Variants in EPN2 observed in about 807,000 individuals in gnomAD.
The protein encoded by EPN2 is epsin-2.
EPN2 carries 34 observed loss-of-function variants against 61.7 expected under a neutral mutation model. The observed-to-expected ratio is 0.55, with a 90% CI of 0.42 to 0.73. The LOEUF (loss-of-function observed/expected upper bound fraction) is 0.73. Among genes scored for constraint, EPN2 ranks in the 30% least tolerant of loss-of-function variants. EPN2 has a pLI of 0.00. For synonymous variants in EPN2, 349 were observed against 353.6 expected (o/e 0.99, Z 0.15); for missense variants, 714 against 839.2 (o/e 0.85, Z 1.84).
At chr17:19,332,241 C>T (rs1308715344) in intron 10 of EPN2, among the ~76,000 whole-genome samples, 173 bp downstream of exon 10, 5 of 151,954 alleles carry the variant, frequency 3.3e-5, no homozygotes, top group African/African-American at 1.2e-4. Flanking sequence ...GTGTGGAAGC[C>T]GTTGTCAGTT....
At chr17:19,253,220 C>G (rs1485884730) in intron 1 of EPN2, among the ~76,000 whole-genome samples, 1 of 152,126 alleles carries the variant, frequency 6.6e-6, no homozygotes, top group Non-Finnish European at 1.5e-5. Flanking sequence ...TGCAGTTATA[C>G]AATATCTGGC....
In EPN2 at chr17:19,239,162, A is replaced by AT. The variant is rs1467416581; in HGVS notation, c.-294+1638dup. The stretch of plus-strand genomic sequence containing the variant: ...AAACTTTTAAATTTTTTATTTATTT[A>AT]TTTTTTTGAGACGGAGTCTCTGTCA... On this transcript the variant is annotated intron_variant, in intron 1 of 10. Coordinates refer to ENST00000314728, the MANE Select transcript of EPN2 (RefSeq NM_014964.5). Among the ~76,000 whole-genome samples, 4 of 152,200 alleles carry AT rather than the reference A, an allele frequency of 2.6e-5. No individual in the cohort carries two copies. The East Asian group carries it at 7.7e-4, about 29-fold the overall frequency.
chr17:19,319,041 AC>A (rs1434638254), intron 7 of EPN2, among the ~76,000 whole-genome samples: 3 of 152,056 alleles, frequency 2.0e-5, no homozygotes, highest in African/African-American at 7.2e-5. Context: ...TACTAAAAAT[AC>A]AAAAAATTAG....
At chr17:19,252,054 C>T (rs2045021442) in intron 1 of EPN2, among the ~76,000 whole-genome samples, 2 of 151,916 alleles carry the variant, frequency 1.3e-5, no homozygotes, top group Admixed American at 1.3e-4. Context: ...TGGAGTTTTC[C>T]ACTTGTGGTA....
chr17:19,238,707 C>G (rs1597961858), intron 1 of EPN2, among the ~76,000 whole-genome samples: 1 of 152,134 alleles, frequency 6.6e-6, no homozygotes, highest in Non-Finnish European at 1.5e-5. Flanking sequence ...ACTTTTTTAT[C>G]TTTTAGGGAG....
chr17:19,313,939 G>A (rs1906265536), intron 7 of EPN2, among the ~76,000 whole-genome samples: 1 of 152,150 alleles, frequency 6.6e-6, no homozygotes, highest in African/African-American at 2.4e-5. Context: ...AGGCTTCCTG[G>A]CCTGGTGCCC....
In EPN2 at chr17:19,282,988, G is replaced by A; in HGVS notation, c.-132G>A. Reference sequence around the variant, plus strand: ...GCTTTTCGAATCTGAGGCTCCAAAGGAGGAAATGACCATTCAGGGATCTTA... The same window carrying A: ...GCTTTTCGAATCTGAGGCTCCAAAGAAGGAAATGACCATTCAGGGATCTTA... On this transcript the variant is annotated 5_prime_UTR_variant, in exon 3 of 11. Coordinates refer to ENST00000314728, the MANE Select transcript of EPN2 (RefSeq NM_014964.5). 1 of 660,146 alleles carries A rather than the reference G, an allele frequency of 1.5e-6. No individual in the cohort carries two copies. The highest frequency in any genetic ancestry group is 2.1e-5 in the South Asian group (1 of 47,708). 40.9% of individuals were successfully genotyped at this position (660,146 alleles called of 1,614,324 possible).
intron 1 of EPN2, among the ~76,000 whole-genome samples, chr17:19,258,419 T>C (rs1328240519): frequency 6.6e-6 from 1 of 152,142 alleles, no homozygotes; most frequent in African/African-American, 2.4e-5. Context: ...CCTTCCTGGG[T>C]GAGAGTCGCA....
intron 5 of EPN2, 57 bp downstream of exon 5, chr17:19,310,054 T>A: frequency 8.0e-7 from 1 of 1,248,094 alleles, no homozygotes; most frequent in Non-Finnish European, 1.2e-6. Flanking sequence ...GGGTGGAGTG[T>A]GGCTCACTGG....
Position 19,332,025 on chromosome 17 carries a change from G to A in EPN2, c.1584G>A (p.Arg528=). 1 of 1,613,168 alleles carries A rather than the reference G, an allele frequency of 6.2e-7. No individual in the cohort carries two copies. The highest frequency in any genetic ancestry group is 1.1e-5 in the South Asian group (1 of 91,080). ...ALVNLDSLVT[R]PAPPAQSLNP... is the part of the protein sequence containing the mutation. The stretch of plus-strand genomic sequence containing the variant: ...TGAACCTGGACTCACTGGTGACCAG[G>A]CCTGCCCCACCAGCCCAGTCCCTCA... The change falls in exon 10 of 11, where the codon AGG becomes AGA. Residue 528 remains arginine, a synonymous_variant. Transcript: ENST00000314728.
At chr17:19,320,834 A>G (rs1032990055) in intron 7 of EPN2, among the ~76,000 whole-genome samples, 3 of 152,230 alleles carry the variant, frequency 2.0e-5, no homozygotes, top group Admixed American at 6.5e-5. Context: ...ACTGAACTCC[A>G]GTGTGCAGAG....
At chr17:19,262,998 T>C (rs2045158557) in intron 1 of EPN2, among the ~76,000 whole-genome samples, 1 of 152,228 alleles carries the variant, frequency 6.6e-6, no homozygotes, top group African/African-American at 2.4e-5. Context: ...TGGACAAAGT[T>C]GTTTCCAGTC....
chr17:19,243,704 A>AT (rs1415296564), intron 1 of EPN2, among the ~76,000 whole-genome samples: 1 of 151,726 alleles, frequency 6.6e-6, no homozygotes, highest in Non-Finnish European at 1.5e-5. Context: ...TGCCCGGCTA[A>AT]TTTTTTGTAT....
At chr17:19,241,296 A>G (rs2044881793) in intron 1 of EPN2, among the ~76,000 whole-genome samples, 1 of 152,150 alleles carries the variant, frequency 6.6e-6, no homozygotes, top group Admixed American at 6.6e-5. Context: ...TTGAAAATTG[A>G]CAAACTTGCC....
intron 4 of EPN2, among the ~76,000 whole-genome samples, chr17:19,300,488 G>C (rs1444491931): frequency 7.1e-6 from 1 of 140,702 alleles, no homozygotes; most frequent in Non-Finnish European, 1.5e-5. Context: ...GAGTGCAGTG[G>C]TGCAATCTCG....
intron 7 of EPN2, among the ~76,000 whole-genome samples, chr17:19,327,897 C>T (rs753763407): frequency 7.2e-5 from 11 of 152,158 alleles, no homozygotes; most frequent in Admixed American, 6.5e-5. Flanking sequence ...TGTCTGAACA[C>T]TTGCAGTGCT....
intron 4 of EPN2, among the ~76,000 whole-genome samples, chr17:19,299,383 G>T (rs1051705313): frequency 3.9e-5 from 6 of 152,232 alleles, no homozygotes. Context: ...CCTGGCTTAC[G>T]CCTGGAGAGC....
chr17:19,309,799 TGGAATGTGGTCTGCCCA>T, intron 4 of EPN2, 69 bp from the exon 5 acceptor site: 1 of 1,004,982 alleles, frequency 1.0e-6, no homozygotes, highest in Non-Finnish European at 1.6e-6. Context: ...GAGATGGGAA[TGGAATGTGGTCTGCCCA>T]GGAAACTGCT....
chr17:19,294,964 A>C (rs976207162), intron 4 of EPN2, among the ~76,000 whole-genome samples: 3 of 152,210 alleles, frequency 2.0e-5, no homozygotes, highest in Non-Finnish European at 2.9e-5. Flanking sequence ...CATTAAAAAA[A>C]AATTATATGA....
Sources: gnomAD v4.1 joint callset for allele counts (sites outside exome capture counted in the v4.1 genomes callset) on GRCh38, gnomAD v4.1.1 for gene constraint, MANE v1.5 for transcripts, NCBI Gene and HGNC (gene_info 2026-07-23, HGNC 2026-07-21) for gene names.